Variants in EDARADD observed in about 807,000 individuals in gnomAD.
The protein encoded by EDARADD is ectodysplasin-A receptor-associated adapter protein.
Under a neutral mutation model 25.6 loss-of-function variants are expected in EDARADD, and 20 were observed. That is an observed-to-expected ratio of 0.78 (90% CI 0.55 to 1.14). The LOEUF (loss-of-function observed/expected upper bound fraction) is 1.14, where lower values mean the gene tolerates loss of function less well. EDARADD is among the 50% of genes most tolerant of loss of function. The pLI is 0.00. For synonymous variants in EDARADD, 86 were observed against 94.4 expected (o/e 0.91, Z 0.52); for missense variants, 225 against 270.1 (o/e 0.83, Z 1.17).
intron 3 of EDARADD, among the ~76,000 whole-genome samples, chr1:236,375,898 A>G (rs1667218431): frequency 6.6e-6 from 1 of 151,030 alleles, no homozygotes. Flanking sequence ...AAAAAGAAAG[A>G]AAGAAAAAAA....
Position 236,482,376 on chromosome 1 carries a change from C to T in EDARADD, c.375C>T (p.Ile125=), listed in dbSNP as rs779277524. 1 of 1,614,182 alleles carries T rather than the reference C, an allele frequency of 6.2e-7. No homozygotes were observed. Among genetic ancestry groups the T allele is most frequent in the East Asian group, 2.2e-5 (1 of 44,880 alleles). ...LLNDQDLLDV[I]RIKLDPCHPT... is the part of the protein sequence containing the mutation. ...ATGATCAGGACTTACTAGACGTGAT[C>T]AGGATAAAGCTGGATCCGTGTCACC... Residue 125 remains isoleucine, a synonymous_variant, in exon 6 of 6, where the codon ATC becomes ATT. Transcript: ENST00000334232.
At chr1:236,422,362 C>CATCT (rs1330087504) in intron 3 of EDARADD, among the ~76,000 whole-genome samples, 1 of 152,142 alleles carries the variant, frequency 6.6e-6, no homozygotes. Context: ...TACATAGAGA[C>CATCT]ATCTGTTTCT....
chr1:236,476,181 G>A (rs1271186144), intron 5 of EDARADD, among the ~76,000 whole-genome samples: 1 of 149,168 alleles, frequency 6.7e-6, no homozygotes, highest in Non-Finnish European at 1.5e-5. Context: ...TGACAACAGC[G>A]AGACTCCATC....
At chr1:236,480,311 T>C (rs967465085) in intron 5 of EDARADD, among the ~76,000 whole-genome samples, 3 of 151,992 alleles carry the variant, frequency 2.0e-5, no homozygotes, top group Admixed American at 6.5e-5. Flanking sequence ...ATTTCACTAG[T>C]CCTCTAACTG....
At chr1:236,352,568 C>T (rs1398804751) in intron 3 of EDARADD, among the ~76,000 whole-genome samples, 1 of 152,148 alleles carries the variant, frequency 6.6e-6, no homozygotes, top group Admixed American at 6.5e-5. Context: ...TTAGCCAGGG[C>T]CAGGTGTGGT....
At chr1:236,378,238 G>T (rs991241866) in intron 3 of EDARADD, among the ~76,000 whole-genome samples, 1 of 152,162 alleles carries the variant, frequency 6.6e-6, no homozygotes, top group South Asian at 2.1e-4. Flanking sequence ...GAATGCTCTG[G>T]TATATTTCAA....
intron 1 of EDARADD, among the ~76,000 whole-genome samples, chr1:236,402,055 G>A (rs940076333): frequency 2.0e-5 from 3 of 152,058 alleles, no homozygotes; most frequent in African/African-American, 4.8e-5. Flanking sequence ...TCCACCTCCC[G>A]GGTTCAAGCG....
intron 5 of EDARADD, among the ~76,000 whole-genome samples, chr1:236,480,766 A>T (rs1659649776): frequency 6.6e-6 from 1 of 152,188 alleles, no homozygotes; most frequent in South Asian, 2.1e-4. Flanking sequence ...ACCACTTAAT[A>T]CTTTATTGCA....
intron 3 of EDARADD, among the ~76,000 whole-genome samples, chr1:236,352,445 C>T (rs989258887): frequency 1.6e-4 from 25 of 152,188 alleles, no homozygotes; most frequent in African/African-American, 6.0e-4. Context: ...TGGCTCGTGC[C>T]TATAATCCCA....
At chr1:236,478,188 A>G (rs1463371399) in intron 5 of EDARADD, among the ~76,000 whole-genome samples, 1 of 152,112 alleles carries the variant, frequency 6.6e-6, no homozygotes, top group Non-Finnish European at 1.5e-5. Context: ...GGGCACATGC[A>G]CCAGTAGCCT....
At chr1:236,388,122 T>TTG (rs1298885367) in intron 3 of EDARADD, among the ~76,000 whole-genome samples, 1 of 84,934 alleles carries the variant, frequency 1.2e-5, no homozygotes, top group Non-Finnish European at 2.8e-5. Flanking sequence ...ATAAATTGCA[T>TTG]TGTGTATGTG....
chr1:236,376,889 A>G (rs1553263075), intron 3 of EDARADD, among the ~76,000 whole-genome samples: 1 of 151,538 alleles, frequency 6.6e-6, no homozygotes, highest in South Asian at 2.1e-4. Context: ...TTGCTTTTCC[A>G]TCTTGGAAGT....
At chr1:236,468,453 G>A (rs373330616) in intron 5 of EDARADD, among the ~76,000 whole-genome samples, 177 bp downstream of exon 5, 8 of 151,760 alleles carry the variant, frequency 5.3e-5, no homozygotes, top group Admixed American at 1.3e-4. Context: ...GTAAAACCCC[G>A]TCTCTACCAA....
At position 236,377,360 on chromosome 1, in the gene EDARADD, C is replaced by T. The variant is rs1010124642; in HGVS notation, c.-6+26521C>T. ...TAGTAGAGATGGGTTTTTGCCATGTCGGCCAGGCTGGTCTCAAACTCCTGA... is the reference window on the plus strand; with the variant it reads ...TAGTAGAGATGGGTTTTTGCCATGTTGGCCAGGCTGGTCTCAAACTCCTGA... On this transcript the variant is annotated intron_variant, in intron 3 of 7. Coordinates refer to the EDARADD transcript ENST00000439430. Among the ~76,000 whole-genome samples the T allele has an allele frequency of 4.0e-5, 6 of 149,532 alleles. No homozygotes were observed. In the East Asian group the frequency reaches 8.0e-4, roughly 20 times the overall value.
At chr1:236,415,743 C>G (rs1329390270) in intron 3 of EDARADD, among the ~76,000 whole-genome samples, 1 of 152,216 alleles carries the variant, frequency 6.6e-6, no homozygotes, top group Non-Finnish European at 1.5e-5. Flanking sequence ...CCCACTGCAC[C>G]TGGGCCCTGT....
At chr1:236,388,307 G>T (rs1305058945) in intron 3 of EDARADD, among the ~76,000 whole-genome samples, 4 of 151,926 alleles carry the variant, frequency 2.6e-5, no homozygotes, top group Non-Finnish European at 5.9e-5. Flanking sequence ...TTTAACTACT[G>T]TTGTTTTATC....
rs1667495014 is a variant in EDARADD at position 236,395,361 on chromosome 1, C to T, written c.61+856C>T. 2 of 1,340,654 alleles carry T rather than the reference C, an allele frequency of 1.5e-6. No individual in the cohort carries two copies. The highest frequency in any genetic ancestry group is 3.4e-5 in the Admixed American group (1 of 29,438). 83.0% of individuals were successfully genotyped at this position (1,340,654 alleles called of 1,614,324 possible). A position where few individuals can be genotyped will look rare whatever the true frequency, so the allele number is the denominator to read the frequency against. ...CCCCGGGTCGCGGCACCCCGGCTCC[C>T]GCCCCGCGCCTCTGGAGGGAGGTAC... On this transcript the variant is annotated intron_variant, in intron 1 of 5. Coordinates refer to ENST00000334232, the MANE Select transcript of EDARADD (RefSeq NM_145861.4). The surrounding 1 kb of genome is among the most constrained non-coding windows in gnomAD (Gnocchi z 6.9).
At chr1:236,459,252 T>TG (rs1658971523) in intron 4 of EDARADD, among the ~76,000 whole-genome samples, 1 of 152,184 alleles carries the variant, frequency 6.6e-6, no homozygotes, top group African/African-American at 2.4e-5. Context: ...CATAGCCCCG[T>TG]GCTCTACTTG....
rs1667554431 is a variant in EDARADD at position 236,398,197 on chromosome 1, TC to T, written c.61+3693del. 6.6e-6 allele frequency among the ~76,000 whole-genome samples: 1 copy of T among 152,190 alleles called. No homozygotes were observed. ...TGGAGTGCAGTGGCGTGATCCCCAC[TC>T]ACTGCAACCTCCGCCTCCCGGGTTC... On this transcript the variant is annotated intron_variant, in intron 1 of 5. Transcript: ENST00000334232. This position sits in a 1 kb window ranked among gnomAD's most constrained non-coding sequence, Gnocchi z 4.1.
Sources: allele counts gnomAD v4.1 joint callset (sites outside exome capture counted in the v4.1 genomes callset), GRCh38; gene constraint gnomAD v4.1.1; non-coding constraint Gnocchi (gnomAD v3.1); transcripts MANE v1.5; gene names NCBI Gene and HGNC (gene_info 2026-07-23, HGNC 2026-07-21).